The following TDRD7 variants were observed in gnomAD, a reference collection of about 807,000 sequenced individuals.
TDRD7 encodes the protein tudor domain-containing protein 7.
A neutral mutation model predicts 109.8 loss-of-function variants in TDRD7; 47 were observed. That is an observed-to-expected ratio of 0.43 (90% CI 0.34 to 0.55). The LOEUF (loss-of-function observed/expected upper bound fraction) is 0.55, where lower values mean the gene tolerates loss of function less well. Ranked by LOEUF, TDRD7 falls within the 20% of genes least tolerant of loss-of-function variation. The pLI is 0.03. For missense variants in TDRD7, 1,164 were observed against 1,319.2 expected, an observed-to-expected ratio of 0.88 and a Z score of 1.82; for synonymous variants, 424 against 457.3, an observed-to-expected ratio of 0.93 and a Z score of 0.93.
At chr9:97,419,380 C>G (rs140260848) in intron 1 of TDRD7, among the ~76,000 whole-genome samples, 2 of 152,310 alleles carry the variant, frequency 1.3e-5, no homozygotes, top group African/African-American at 4.8e-5. Flanking sequence ...TCCACTGTTG[C>G]TTTTACTACT....
chr9:97,422,433 C>A (rs1225592785), intron 1 of TDRD7, among the ~76,000 whole-genome samples: 1 of 152,116 alleles, frequency 6.6e-6, no homozygotes, highest in Non-Finnish European at 1.5e-5. Context: ...GGGTTTATTT[C>A]TGGATTACAT....
intron 6 of TDRD7, among the ~76,000 whole-genome samples, chr9:97,454,044 A>G (rs770534239): frequency 6.6e-6 from 1 of 152,202 alleles, no homozygotes; most frequent in Non-Finnish European, 1.5e-5. Context: ...GATCAAGTGG[A>G]CCTAATAGAC....
intron 1 of TDRD7, among the ~76,000 whole-genome samples, chr9:97,422,750 A>T (rs1827920752): frequency 6.6e-6 from 1 of 151,910 alleles, no homozygotes; most frequent in Non-Finnish European, 1.5e-5. Flanking sequence ...TACATTTTTT[A>T]TTTTGTCAGC....
chr9:97,431,081 G>C lies in TDRD7; in HGVS notation c.349+7G>C. On this transcript the variant is annotated splice_region_variant and intron_variant, in intron 3 of 16. Transcript: ENST00000355295. ...ATGCCATTTTTTCTAGAAGGTAGGA[G>C]CTTTTTACATGCTAAAATTTTTAGG... 1 of 1,613,718 alleles carries C rather than the reference G, an allele frequency of 6.2e-7. No homozygotes were observed. Among genetic ancestry groups the C allele is most frequent in the Non-Finnish European group, 8.5e-7 (1 of 1,179,720 alleles).
intron 4 of TDRD7, among the ~76,000 whole-genome samples, chr9:97,432,586 C>G (rs201213154): frequency 6.6e-6 from 1 of 152,168 alleles, no homozygotes; most frequent in African/African-American, 2.4e-5. Flanking sequence ...TTCAGACACT[C>G]CACTGTGCTG....
At chr9:97,483,480 T>C in intron 15 of TDRD7, 129 bp downstream of exon 15, 1 of 1,154,672 alleles carries the variant, frequency 8.7e-7, no homozygotes, top group Non-Finnish European at 1.2e-6. Flanking sequence ...ACAAACACAG[T>C]AATTTTTCCG....
At chr9:97,474,447 C>G (rs1156335716) in intron 11 of TDRD7, among the ~76,000 whole-genome samples, 1 of 152,062 alleles carries the variant, frequency 6.6e-6, no homozygotes, top group African/African-American at 2.4e-5. Context: ...CTTTCTAGAC[C>G]GTATGCTTCT....
chr9:97,413,913 G>T (rs1440631008), intron 1 of TDRD7, among the ~76,000 whole-genome samples: 1 of 152,196 alleles, frequency 6.6e-6, no homozygotes, highest in African/African-American at 2.4e-5. Flanking sequence ...TGCATCAAGA[G>T]ATTTTAAACT....
chr9:97,473,726 C>A (rs551425037), intron 11 of TDRD7, 100 bp downstream of exon 11: 36 of 1,507,418 alleles, frequency 2.4e-5, no homozygotes, highest in African/African-American at 4.1e-5. Context: ...TTTGTATGAA[C>A]GATTTTTTAG....
intron 6 of TDRD7, among the ~76,000 whole-genome samples, chr9:97,458,714 A>G (rs1389376181): frequency 6.6e-6 from 1 of 152,212 alleles, no homozygotes; most frequent in Non-Finnish European, 1.5e-5. Context: ...TATGAAGAGG[A>G]AAACCTAATG....
At chr9:97,479,605 T>C (rs996022991) in intron 13 of TDRD7, among the ~76,000 whole-genome samples, 3 of 152,158 alleles carry the variant, frequency 2.0e-5, no homozygotes, top group Non-Finnish European at 4.4e-5. Flanking sequence ...ATGGGAAGAC[T>C]GTTGGTTGGG....
chr9:97,434,237 A>G (rs980816020), intron 4 of TDRD7, among the ~76,000 whole-genome samples: 5 of 152,158 alleles, frequency 3.3e-5, no homozygotes, highest in Non-Finnish European at 5.9e-5. Flanking sequence ...CCTGGGAGAC[A>G]TTATGTTAAG....
At position 97,430,915 on chromosome 9, in the gene TDRD7, C is replaced by T; in HGVS notation, c.208-18C>T. The T allele has an allele frequency of 6.2e-7, 1 of 1,613,588 alleles. No homozygotes were observed. Among genetic ancestry groups the T allele is most frequent in the South Asian group, 1.1e-5 (1 of 91,074 alleles). On this transcript the variant is annotated intron_variant, in intron 2 of 16. Transcript: ENST00000355295. ...ATCTGAGAAATGTTTCTCCTCTTACCCTGCCTCTAATGAATAGATTACCTG... is the reference window on the plus strand; with the variant it reads ...ATCTGAGAAATGTTTCTCCTCTTACTCTGCCTCTAATGAATAGATTACCTG...
chr9:97,479,555 T>C (rs1268124351), intron 13 of TDRD7, among the ~76,000 whole-genome samples: 1 of 151,722 alleles, frequency 6.6e-6, no homozygotes, highest in East Asian at 1.9e-4. Context: ...TCACTAAACT[T>C]TTTTTTTTCA....
At chr9:97,451,372 C>G (rs999145278) in intron 6 of TDRD7, among the ~76,000 whole-genome samples, 1 of 152,174 alleles carries the variant, frequency 6.6e-6, no homozygotes, top group African/African-American at 2.4e-5. Context: ...TCACTGCAGC[C>G]TGGACATCCT....
At chr9:97,479,814 C>A (rs371412376) in intron 13 of TDRD7, among the ~76,000 whole-genome samples, 17 of 152,280 alleles carry the variant, frequency 1.1e-4, no homozygotes, top group African/African-American at 4.1e-4. Context: ...ACAAAAATTC[C>A]TACTTCTAGC....
In TDRD7 at chr9:97,415,907, TC is replaced by T. The variant is rs1827803254; in HGVS notation, c.-7+3670del. Among the ~76,000 whole-genome samples the T allele has an allele frequency of 8.5e-5, 13 of 152,340 alleles. No homozygotes were observed. In the South Asian group the frequency reaches 2.7e-3, roughly 32 times the overall value. ...ATCTTCCGAAAGTTTCAAAAAAAAG[TC>T]ATCATGAGCCACGTAACAAAACTCA... On this transcript the variant is annotated intron_variant, in intron 1 of 16. Transcript: ENST00000355295.
In TDRD7 at chr9:97,433,463, A is replaced by AT. The variant is rs1250963002; in HGVS notation, c.563+1232dup. ...ACATTTCAGCAATACATTTTGAATGATTTTTTTGGATGTGACCCTAAAAGG... is the reference window on the plus strand; with the variant it reads ...ACATTTCAGCAATACATTTTGAATGATTTTTTTTGGATGTGACCCTAAAAGG... On this transcript the variant is annotated intron_variant, in intron 4 of 16. Coordinates refer to ENST00000355295, the MANE Select transcript of TDRD7 (RefSeq NM_014290.3). Among the ~76,000 whole-genome samples, 8 of 152,132 alleles carry AT rather than the reference A, an allele frequency of 5.3e-5. No individual in the cohort carries two copies. In the East Asian group the frequency reaches 1.5e-3, roughly 29 times the overall value.
rs185806845 is a variant in TDRD7 at position 97,496,074 on chromosome 9, G to A, written c.*191G>A. ...CAGAGTTGACTTTTCAAAGAAAATT[G>A]TACTTGAATTATTACTATAATATTA... On this transcript the variant is annotated 3_prime_UTR_variant, in exon 17 of 17. Coordinates refer to ENST00000355295, the MANE Select transcript of TDRD7 (RefSeq NM_014290.3). 1,550 of 569,928 alleles carry A rather than the reference G, an allele frequency of 2.7e-3. 7 individuals are homozygous for A. Among genetic ancestry groups the A allele is most frequent in the Non-Finnish European group, 3.1e-3 (998 of 321,666 alleles). The allele number at this position is 569,928 out of a possible 1,614,324, so 35.3% of individuals were successfully genotyped here.
Sources: allele counts gnomAD v4.1 joint callset (sites outside exome capture counted in the v4.1 genomes callset), GRCh38; gene constraint gnomAD v4.1.1; transcripts MANE v1.5; gene names NCBI Gene and HGNC (gene_info 2026-07-23, HGNC 2026-07-21).